Variants in LRP1B observed in about 807,000 individuals in gnomAD.
LRP1B encodes low-density lipoprotein receptor-related protein 1B.
Under a neutral mutation model 556.6 loss-of-function variants are expected in LRP1B, and 217 were observed. That is an observed-to-expected ratio of 0.39 (90% confidence interval 0.35 to 0.44). The LOEUF (loss-of-function observed/expected upper bound fraction) is 0.44, where lower values mean the gene tolerates loss of function less well. LRP1B is among the 20% of genes least tolerant of loss of function. LRP1B has a pLI of 1.00. For missense variants in LRP1B, 5,053 were observed against 5,620.8 expected, an observed-to-expected ratio of 0.90 and a Z score of 3.23; for synonymous variants, 2,047 against 1,865.8, an observed-to-expected ratio of 1.10 and a Z score of -2.50.
intron 53 of LRP1B, 138 bp downstream of exon 53, chr2:140,506,658 A>G (rs1239758636): frequency 3.9e-6 from 3 of 775,820 alleles, no homozygotes. Context: ...ATGTGCTGTG[A>G]TTGTGTATTA....
chr2:141,767,152 C>A (rs980923231), intron 2 of LRP1B, among the ~76,000 whole-genome samples: 4 of 152,050 alleles, frequency 2.6e-5, no homozygotes, highest in African/African-American at 7.2e-5. Flanking sequence ...AGTAAACAAC[C>A]CACCAGCTTT....
At chr2:141,600,226 A>T (rs954968302) in intron 2 of LRP1B, among the ~76,000 whole-genome samples, 29 of 152,224 alleles carry the variant, frequency 1.9e-4, no homozygotes, top group African/African-American at 6.7e-4. Context: ...TGTGCCTTGA[A>T]ATCACCTGGA....
intron 1 of LRP1B, among the ~76,000 whole-genome samples, chr2:142,095,471 G>C (rs1315036160): frequency 1.3e-5 from 2 of 151,694 alleles, no homozygotes; most frequent in African/African-American, 4.8e-5. Flanking sequence ...GTGTGCATGT[G>C]TGTATCCTTT....
intron 3 of LRP1B, among the ~76,000 whole-genome samples, chr2:141,434,347 T>C (rs1185643718): frequency 6.6e-6 from 1 of 152,182 alleles, no homozygotes; most frequent in Non-Finnish European, 1.5e-5. Context: ...TGATTCTTTT[T>C]TTCTGCCAGC....
chr2:141,883,843 AAAC>A lies in LRP1B; in HGVS notation c.83-73445_83-73443del, dbSNP rs897519841. Among the ~76,000 whole-genome samples the A allele has an allele frequency of 1.4e-3, 215 of 152,248 alleles. 2 individuals carry two copies. The highest frequency in any genetic ancestry group is 0.011 in the Admixed American group (175 of 15,280). On this transcript the variant is annotated intron_variant, in intron 1 of 90. Coordinates refer to ENST00000389484, the MANE Select transcript of LRP1B (RefSeq NM_018557.3). ...TAGTTACTTGGGGCTGTTTAAAAGA[AAAC>A]AACAACAACAACAACAAAATACCAG... is the stretch of plus-strand genomic sequence containing the variant.
intron 10 of LRP1B, among the ~76,000 whole-genome samples, chr2:141,054,609 ATGTT>A (rs754552556): frequency 4.4e-4 from 67 of 152,028 alleles, no homozygotes; most frequent in Non-Finnish European, 8.8e-4. Context: ...AAATCATTAA[ATGTT>A]TGATCTCTAA....
intron 3 of LRP1B, among the ~76,000 whole-genome samples, chr2:141,378,362 A>T (rs2104881424): frequency 6.6e-6 from 1 of 152,338 alleles, no homozygotes; most frequent in South Asian, 2.1e-4. Context: ...ACTACAGGAA[A>T]ACTAGAAAAT....
Position 141,753,263 on chromosome 2 carries a change from C to CATATATAT in LRP1B, c.205+57008_205+57015dup, listed in dbSNP as rs144027196. 1.9e-3 allele frequency among the ~76,000 whole-genome samples: 120 copies of CATATATAT among 62,518 alleles called. 21 individuals carry two copies. Among genetic ancestry groups the CATATATAT allele is most frequent in the Admixed American group, 3.3e-3 (21 of 6,274 alleles). The allele number at this position is 62,518 out of a possible 152,430, so 41.0% of individuals were successfully genotyped here. A position where few individuals can be genotyped will look rare whatever the true frequency, so the allele number is the denominator to read the frequency against. On this transcript the variant is annotated intron_variant, in intron 2 of 90. Coordinates refer to ENST00000389484, the MANE Select transcript of LRP1B (RefSeq NM_018557.3). ...AACACACACACTCTCTCTCTCTCTC[C>CATATATAT]ATATATATATATATATATATCCCAG...
intron 41 of LRP1B, among the ~76,000 whole-genome samples, chr2:140,696,028 AT>A (rs1231059734): frequency 6.6e-6 from 1 of 152,212 alleles, no homozygotes; most frequent in African/African-American, 2.4e-5. Flanking sequence ...ACTCTCTGAT[AT>A]TTTTAACACC....
intron 6 of LRP1B, among the ~76,000 whole-genome samples, chr2:141,189,875 C>G (rs1681427939): frequency 6.6e-6 from 1 of 151,410 alleles, no homozygotes; most frequent in South Asian, 2.1e-4. Flanking sequence ...GGGGAGCAGC[C>G]AATGCAGGGA....
At chr2:141,209,431 G>T (rs1431284682) in intron 6 of LRP1B, among the ~76,000 whole-genome samples, 2 of 152,158 alleles carry the variant, frequency 1.3e-5, no homozygotes, top group Admixed American at 6.5e-5. Context: ...GCTATGCCGA[G>T]CTGTGAGTCA....
intron 3 of LRP1B, among the ~76,000 whole-genome samples, chr2:141,329,655 A>AAAAACAAAAAAAAAC (rs1553497026): frequency 1.3e-4 from 18 of 138,134 alleles, no homozygotes; most frequent in Admixed American, 4.3e-4. Flanking sequence ...AAAAAAAAAA[A>AAAAACAAAAAAAAAC]AAAAAAAAAA....
At chr2:141,039,033 A>C (rs1698620911) in intron 11 of LRP1B, among the ~76,000 whole-genome samples, 1 of 152,066 alleles carries the variant, frequency 6.6e-6, no homozygotes, top group African/African-American at 2.4e-5. Context: ...GAAAATACTA[A>C]ATGGAAAATT....
intron 63 of LRP1B, among the ~76,000 whole-genome samples, chr2:140,449,301 G>T (rs992509036): frequency 6.6e-6 from 1 of 151,836 alleles, no homozygotes; most frequent in African/African-American, 2.4e-5. Context: ...ACTTTATTGT[G>T]GGGAAAGTAA....
At chr2:142,055,237 G>A (rs984896632) in intron 1 of LRP1B, among the ~76,000 whole-genome samples, 5 of 152,082 alleles carry the variant, frequency 3.3e-5, no homozygotes, top group African/African-American at 9.7e-5. Flanking sequence ...TGTGGATATA[G>A]AGAAGAACAG....
At chr2:140,506,092 C>T (rs72901718) in intron 53 of LRP1B, among the ~76,000 whole-genome samples, 23,626 of 151,396 alleles carry the variant, frequency 0.16, 2,303 homozygotes, top group Non-Finnish European at 0.22. Context: ...ATTAAGTATC[C>T]GGCTTTTCTG....
chr2:141,785,441 C>T (rs1352410084), intron 2 of LRP1B, among the ~76,000 whole-genome samples: 2 of 151,822 alleles, frequency 1.3e-5, no homozygotes, highest in African/African-American at 4.8e-5. Flanking sequence ...TGTATGATCA[C>T]TGCATTGGCT....
intron 1 of LRP1B, among the ~76,000 whole-genome samples, chr2:141,895,972 T>TATTTTTAAGC (rs1699440968): frequency 6.6e-6 from 1 of 152,044 alleles, no homozygotes; most frequent in Non-Finnish European, 1.5e-5. Context: ...AATATTTAAG[T>TATTTTTAAGC]ATTTTGGATT....
chr2:141,489,912 C>A (rs962288829), intron 2 of LRP1B, among the ~76,000 whole-genome samples: 4 of 152,216 alleles, frequency 2.6e-5, no homozygotes, highest in Admixed American at 2.0e-4. Context: ...AATAGTAACT[C>A]ACTCAAATCA....
Sources: allele counts gnomAD v4.1 joint callset (sites outside exome capture counted in the v4.1 genomes callset), GRCh38; gene constraint gnomAD v4.1.1; transcripts MANE v1.5; gene names NCBI Gene and HGNC (gene_info 2026-07-23, HGNC 2026-07-21).